Variants in TENM2 observed in about 807,000 individuals in gnomAD.
TENM2 encodes the protein teneurin-2.
A neutral mutation model predicts 245.2 loss-of-function variants in TENM2; 52 were observed. The observed-to-expected ratio is 0.21, with a 90% CI of 0.17 to 0.27. The LOEUF (loss-of-function observed/expected upper bound fraction) is 0.27, where lower values mean the gene tolerates loss of function less well. TENM2 is among the 10% of genes least tolerant of loss of function. TENM2 has a pLI of 1.00. For missense variants in TENM2, 3,046 were observed against 3,666.8 expected (o/e 0.83, Z 4.37); for synonymous variants, 1,363 against 1,438.9 (o/e 0.95, Z 1.19).
intron 2 of TENM2, among the ~76,000 whole-genome samples, chr5:167,499,032 C>T (rs543757222): frequency 1.3e-5 from 2 of 152,134 alleles, no homozygotes; most frequent in East Asian, 1.9e-4. Context: ...AATCTAGTGA[C>T]GTTGTTTCCA....
intron 1 of TENM2, among the ~76,000 whole-genome samples, chr5:167,301,932 G>A (rs1755354863): frequency 6.6e-6 from 1 of 152,270 alleles, no homozygotes; most frequent in South Asian, 2.1e-4. Context: ...AGTGGAGGCT[G>A]AGGAAGAATT....
rs918855356 is a variant in TENM2, at chr5:167,623,618, C to T, written c.502+248145C>T. On this transcript the variant is annotated intron_variant, in intron 2 of 28. Transcript: ENST00000518659. ...TGTACAACTACCTCACACCTGGCTG[C>T]TTCACATTGTTCTCGGAAGGAATCC... 3.9e-5 allele frequency among the ~76,000 whole-genome samples: 6 copies of T among 152,128 alleles called. No individual in the cohort carries two copies. The East Asian group carries it at 1.2e-3, about 29-fold the overall frequency.
chr5:168,238,254 G>GAAAA (rs1270442688), intron 25 of TENM2, among the ~76,000 whole-genome samples: 1 of 138,728 alleles, frequency 7.2e-6, no homozygotes, highest in Non-Finnish European at 1.6e-5. Flanking sequence ...GAAAAGAAAA[G>GAAAA]AAAAGAAAAG....
At position 167,350,380 on chromosome 5, in the gene TENM2, G is replaced by T. The variant is rs115591277; in HGVS notation, c.227-24818G>T. Among the ~76,000 whole-genome samples the T allele has an allele frequency of 3.3e-3, 498 of 150,652 alleles. 3 individuals carry two copies. Among genetic ancestry groups the T allele is most frequent in the African/African-American group, 0.011 (468 of 40,896 alleles). On this transcript the variant is annotated intron_variant, in intron 1 of 28. Transcript: ENST00000518659. The stretch of plus-strand genomic sequence containing the variant: ...TCTGCATCATTTGGGATAAATTGAA[G>T]TGATGGAATTATGAAAACCCATATA...
intron 2 of TENM2, among the ~76,000 whole-genome samples, chr5:167,544,113 A>G (rs1008014006): frequency 6.6e-6 from 1 of 152,142 alleles, no homozygotes; most frequent in African/African-American, 2.4e-5. Flanking sequence ...CATATCTGAA[A>G]TCAAGAAGTA....
the TENM2 span, among the ~76,000 whole-genome samples, chr5:167,048,503 A>G: frequency 6.6e-6 from 1 of 152,188 alleles, no homozygotes; most frequent in East Asian, 1.9e-4. Flanking sequence ...ACTAACCACA[A>G]AATTATATGC....
chr5:167,546,855 A>T (rs1029102908), intron 2 of TENM2, among the ~76,000 whole-genome samples: 5 of 152,102 alleles, frequency 3.3e-5, no homozygotes, highest in African/African-American at 1.2e-4. Context: ...CTCTTAGGCC[A>T]TATTTCTGTC....
At chr5:167,463,504 TTA>T (rs200647201) in intron 2 of TENM2, among the ~76,000 whole-genome samples, 308 of 142,448 alleles carry the variant, frequency 2.2e-3, no homozygotes, top group African/African-American at 6.1e-3. Context: ...TTATTTTATT[TTA>T]TTTTTTTTTG....
At chr5:167,453,183 A>T (rs1765715001) in intron 2 of TENM2, among the ~76,000 whole-genome samples, 1 of 151,698 alleles carries the variant, frequency 6.6e-6, no homozygotes, top group Admixed American at 6.6e-5. Context: ...TTCCTTACAT[A>T]ACTGAGTAAA....
chr5:168,107,040 G>A (rs990893142), intron 9 of TENM2, among the ~76,000 whole-genome samples: 44 of 152,084 alleles, frequency 2.9e-4, no homozygotes, highest in African/African-American at 1.0e-3. Context: ...AGCCTGTGCA[G>A]TGGTGAGAGA....
intron 1 of TENM2, among the ~76,000 whole-genome samples, chr5:167,349,631 A>G (rs1008106405): frequency 5.3e-5 from 8 of 152,218 alleles, no homozygotes; most frequent in Admixed American, 1.3e-4. Context: ...GTATATATAC[A>G]TGATCTGTAT....
chr5:167,710,266 C>T (rs1758820843), intron 2 of TENM2, among the ~76,000 whole-genome samples: 1 of 152,138 alleles, frequency 6.6e-6, no homozygotes, highest in South Asian at 2.1e-4. Flanking sequence ...CACACATATT[C>T]AGTGAATACA....
intron 3 of TENM2, among the ~76,000 whole-genome samples, chr5:167,923,043 G>T (rs942446398): frequency 6.6e-6 from 1 of 152,204 alleles, no homozygotes; most frequent in Admixed American, 6.5e-5. Flanking sequence ...GGCCATGAGG[G>T]CCAGGTGCAG....
At chr5:167,137,642 G>A in the TENM2 span, among the ~76,000 whole-genome samples, 4 of 152,100 alleles carry the variant, frequency 2.6e-5, no homozygotes, top group African/African-American at 4.8e-5. Flanking sequence ...TCAAGAGTAG[G>A]GGAAGTGAGG....
intron 1 of TENM2, among the ~76,000 whole-genome samples, chr5:167,328,613 C>T (rs867558000): frequency 6.6e-6 from 1 of 152,320 alleles, no homozygotes; most frequent in Middle Eastern, 3.4e-3. Flanking sequence ...GCCTCACTGG[C>T]CTTCTCCCAG....
the TENM2 span, among the ~76,000 whole-genome samples, chr5:167,181,418 C>T: frequency 1.4e-5 from 2 of 141,944 alleles, no homozygotes; most frequent in African/African-American, 2.7e-5. Flanking sequence ...TTTCAAAATT[C>T]TTCTTTTCTC....
chr5:167,443,972 A>T (rs913494243), intron 2 of TENM2, among the ~76,000 whole-genome samples: 4 of 152,140 alleles, frequency 2.6e-5, no homozygotes, highest in Admixed American at 2.0e-4. Flanking sequence ...CATTAAGTTC[A>T]AAAAGTCTTA....
chr5:167,139,369 T>A, the TENM2 span, among the ~76,000 whole-genome samples: 2 of 152,268 alleles, frequency 1.3e-5, no homozygotes, highest in African/African-American at 2.4e-5. Context: ...GTTTATGGAG[T>A]ACATTTTGTA....
chr5:166,987,420 G>GGTGT, the TENM2 span, among the ~76,000 whole-genome samples: 2,581 of 147,162 alleles, frequency 0.018, 23 homozygotes, highest in Middle Eastern at 0.045. Flanking sequence ...GTTTAGTAAG[G>GGTGT]GTGTGTGTGT....
Sources: gnomAD v4.1 joint callset for allele counts (sites outside exome capture counted in the v4.1 genomes callset) on GRCh38, gnomAD v4.1.1 for gene constraint, MANE v1.5 for transcripts, NCBI Gene and HGNC (gene_info 2026-07-23, HGNC 2026-07-21) for gene names.